APP: variants seen among roughly 807,000 people sequenced by gnomAD.
The protein encoded by APP is amyloid-beta precursor protein.
A neutral mutation model predicts 101.4 loss-of-function variants in APP; 31 were observed. That is an observed-to-expected ratio of 0.31 (90% confidence interval 0.23 to 0.41). The LOEUF (loss-of-function observed/expected upper bound fraction) is 0.41. APP is among the 10% of genes least tolerant of loss of function. The pLI is 1.00. For missense variants in APP, 839 were observed against 1,003.7 expected, an observed-to-expected ratio of 0.84 and a Z score of 2.22; for synonymous variants, 366 against 364.4, an observed-to-expected ratio of 1.00 and a Z score of -0.05.
At position 26,101,118 on chromosome 21, in the gene APP, T is replaced by TG. The variant is rs1479760785; in HGVS notation, c.225+10860dup. 2.4e-4 allele frequency among the ~76,000 whole-genome samples: 26 copies of TG among 108,506 alleles called. 2 individuals are homozygous for TG. Among genetic ancestry groups the TG allele is most frequent in the African/African-American group, 8.0e-4 (25 of 31,270 alleles). The allele number at this position is 108,506 out of a possible 152,430, so 71.2% of individuals were successfully genotyped here. On this transcript the variant is annotated intron_variant, in intron 2 of 17. Coordinates refer to ENST00000346798, the MANE Select transcript of APP (RefSeq NM_000484.4). ...TCCTTTTTTTTTTTTTTTTTTTTTT[T>TG]GGGATGGAGTCTCACTCTGTCGCCA...
rs148778771 is a variant in APP at position 26,047,007 on chromosome 21, A to G, written c.662+3993T>C. Among the ~76,000 whole-genome samples, 325 of 152,352 alleles carry G rather than the reference A, an allele frequency of 2.1e-3. 2 individuals carry two copies. The highest frequency in any genetic ancestry group is 7.5e-3 in the African/African-American group (311 of 41,582). Reference sequence around the variant, plus strand: ...AACAGTCTGGATTATGCTACATTACAGACTGCATAAATAGGTATTTTGAGG... The same window carrying G: ...AACAGTCTGGATTATGCTACATTACGGACTGCATAAATAGGTATTTTGAGG... On this transcript the variant is annotated intron_variant, in intron 5 of 17. Transcript: ENST00000346798.
chr21:26,169,894 C>T (rs909976326), intron 1 of APP, among the ~76,000 whole-genome samples: 3 of 152,168 alleles, frequency 2.0e-5, no homozygotes, highest in Non-Finnish European at 2.9e-5. Flanking sequence ...AAAAGGGAGA[C>T]GCGGACATGC....
At chr21:26,045,455 C>T (rs1054239851) in intron 5 of APP, among the ~76,000 whole-genome samples, 3 of 152,126 alleles carry the variant, frequency 2.0e-5, no homozygotes, top group African/African-American at 7.2e-5. Flanking sequence ...TGGGAAAATA[C>T]AGAATAAACA....
At chr21:25,887,520 A>G (rs1264039961) in intron 17 of APP, among the ~76,000 whole-genome samples, 1 of 58,556 alleles carries the variant, frequency 1.7e-5, no homozygotes, top group Non-Finnish European at 4.3e-5. Flanking sequence ...CTTATTTGAA[A>G]AAAAAAAAAA....
intron 13 of APP, among the ~76,000 whole-genome samples, chr21:25,940,957 T>C (rs1017109998): frequency 2.0e-5 from 3 of 152,216 alleles, no homozygotes; most frequent in African/African-American, 7.2e-5. Flanking sequence ...CTGATGTTGC[T>C]AGACTAAGGA....
intron 3 of APP, among the ~76,000 whole-genome samples, chr21:26,072,914 G>A (rs1047134341): frequency 6.6e-6 from 1 of 152,062 alleles, no homozygotes; most frequent in South Asian, 2.1e-4. Flanking sequence ...CCATGTTCAC[G>A]AGTTCTCTGT....
chr21:25,965,673 C>T (rs375280905), intron 11 of APP, among the ~76,000 whole-genome samples: 355 of 152,194 alleles, frequency 2.3e-3, no homozygotes, highest in Non-Finnish European at 3.0e-3. Context: ...AAAGCTTATG[C>T]GAGATTGTGT....
chr21:26,102,214 A>G (rs189091494), intron 2 of APP, among the ~76,000 whole-genome samples: 3,311 of 148,908 alleles, frequency 0.022, 119 homozygotes, highest in African/African-American at 0.079. Flanking sequence ...TCAGCCTCCC[A>G]AGTAGCTGGG....
intron 9 of APP, among the ~76,000 whole-genome samples, chr21:25,978,785 C>T (rs966345338): frequency 1.3e-5 from 2 of 152,102 alleles, no homozygotes; most frequent in African/African-American, 2.4e-5. Flanking sequence ...AACCCTGTCT[C>T]TACTAAAAAT....
intron 3 of APP, among the ~76,000 whole-genome samples, chr21:26,055,142 C>T (rs1295823653): frequency 6.6e-6 from 1 of 152,080 alleles, no homozygotes; most frequent in Admixed American, 6.5e-5. Context: ...AATTATGAGA[C>T]ATGGTACCCC....
intron 13 of APP, among the ~76,000 whole-genome samples, chr21:25,944,041 C>CT (rs386394486): frequency 6.6e-6 from 1 of 151,972 alleles, no homozygotes; most frequent in African/African-American, 2.4e-5. Flanking sequence ...AATGCCCCCC[C>CT]CCAACCAAAA....
At chr21:26,052,526 C>A (rs1378470792) in intron 4 of APP, among the ~76,000 whole-genome samples, 1 of 152,220 alleles carries the variant, frequency 6.6e-6, no homozygotes, top group Non-Finnish European at 1.5e-5. Flanking sequence ...TGAAGGTGGT[C>A]TTACCACACA....
At chr21:26,144,306 C>A (rs2063111239) in intron 1 of APP, among the ~76,000 whole-genome samples, 1 of 152,166 alleles carries the variant, frequency 6.6e-6, no homozygotes, top group Admixed American at 6.5e-5. Context: ...CACTGAACCT[C>A]ATTTTGTTTA....
Position 26,021,939 on chromosome 21 carries a change from C to T in APP, c.766G>A (p.Glu256Lys). 1 of 1,613,536 alleles carries T rather than the reference C, an allele frequency of 6.2e-7. No homozygotes were observed. The highest frequency in any genetic ancestry group is 2.2e-5 in the East Asian group (1 of 44,834). The change falls in exon 6 of 18, where the codon GAA (glutamate) becomes AAA (lysine). Residue 256 changes from glutamate to lysine, a missense_variant. Transcript: ENST00000346798. ...TCTTCGTAGGGTTCCTCAGCCTCTTCCTCTACCTCATCACCATCCTCATCG... is the reference window on the plus strand; with the variant it reads ...TCTTCGTAGGGTTCCTCAGCCTCTTTCTCTACCTCATCACCATCCTCATCG... Reference protein sequence around the residue: ...EDDEDGDEVEEEAEEPYEEAT... With the variant: ...EDDEDGDEVEKEAEEPYEEAT...
intron 3 of APP, among the ~76,000 whole-genome samples, chr21:26,080,118 C>T (rs2061567403): frequency 6.6e-6 from 1 of 152,106 alleles, no homozygotes; most frequent in Non-Finnish European, 1.5e-5. Flanking sequence ...GAGTGAAATT[C>T]CGTCTCAATA....
rs1005538943 is a variant in APP at position 26,016,772 on chromosome 21, G to A, written c.865+5068C>T. Among the ~76,000 whole-genome samples, 11 of 152,206 alleles carry A rather than the reference G, an allele frequency of 7.2e-5. No homozygotes were observed. In the South Asian group the frequency reaches 1.7e-3, roughly 23 times the overall value. ...TCTTTAGTACAGATGGGGTTTCACC[G>A]TGTTAGCCAGGATGGCCTTAATCTC... On this transcript the variant is annotated intron_variant, in intron 6 of 17. Coordinates refer to ENST00000346798, the MANE Select transcript of APP (RefSeq NM_000484.4).
chr21:25,891,397 G>A (rs1269958629), intron 17 of APP, among the ~76,000 whole-genome samples: 1 of 150,914 alleles, frequency 6.6e-6, no homozygotes, highest in Non-Finnish European at 1.5e-5. Flanking sequence ...ACTGGTTTTT[G>A]TTGCTTGTGT....
intron 11 of APP, among the ~76,000 whole-genome samples, chr21:25,962,235 C>T (rs1028785190): frequency 2.0e-5 from 3 of 152,054 alleles, no homozygotes; most frequent in African/African-American, 7.2e-5. Flanking sequence ...AAAAATCATT[C>T]AAAATAATTT....
At chr21:26,103,518 T>C (rs2062111209) in intron 2 of APP, among the ~76,000 whole-genome samples, 1 of 152,074 alleles carries the variant, frequency 6.6e-6, no homozygotes, top group South Asian at 2.1e-4. Context: ...TGAGAATCAC[T>C]TGAACCCAGG....
Sources: allele counts gnomAD v4.1 joint callset (sites outside exome capture counted in the v4.1 genomes callset), GRCh38; gene constraint gnomAD v4.1.1; transcripts MANE v1.5; gene names NCBI Gene and HGNC (gene_info 2026-07-23, HGNC 2026-07-21).